Variants in SUGT1 observed in about 807,000 individuals in gnomAD.
SUGT1 encodes protein SGT1 homolog.
Under a neutral mutation model 56.1 loss-of-function variants are expected in SUGT1, and 15 were observed. The ratio of observed to expected loss-of-function variants is 0.27; its 90% CI spans 0.18 to 0.41. SUGT1 has a LOEUF of 0.41. Ranked by LOEUF, SUGT1 falls within the 10% of genes least tolerant of loss-of-function variation. The pLI is 1.00. For synonymous variants in SUGT1, 123 were observed against 128.6 expected (o/e 0.96, Z 0.30); for missense variants, 347 against 382.2 (o/e 0.91, Z 0.77).
chr13:52,688,048 CAT>C lies in SUGT1; in HGVS notation c.*214_*215del, dbSNP rs1297549594. ...CACTTCTGTCCTTAAAGGTTTCAGA[CAT>C]GGTGAAACTGAATAAAGCATGTCAT... On this transcript the variant is annotated 3_prime_UTR_variant, in exon 13 of 13. Transcript: ENST00000310528. The C allele has an allele frequency of 9.2e-6, 3 of 326,874 alleles. No individual in the cohort carries two copies. In the Admixed American group the frequency reaches 1.5e-4, roughly 17 times the overall value. The allele number at this position is 326,874 out of a possible 1,614,324, so 20.2% of individuals were successfully genotyped here.
rs1227094476 is a variant in SUGT1 at position 52,692,862 on chromosome 13, C to G, written c.*5027C>G. ...ATTTTTGAGAGGGTGCTGTTTTTCT[C>G]AAATCTAGATCATTACAGAGAAACA... On this transcript the variant is annotated 3_prime_UTR_variant, in exon 13 of 13. Transcript: ENST00000310528. 6.6e-6 allele frequency: 1 copy of G among 152,144 alleles called. No homozygotes were observed. The highest frequency in any genetic ancestry group is 1.5e-5 in the Non-Finnish European group (1 of 68,034). The allele number at this position is 152,144 out of a possible 1,614,324, so 9.4% of individuals were successfully genotyped here. A position where few individuals can be genotyped will look rare whatever the true frequency, so the allele number is the denominator to read the frequency against.
chr13:52,663,728 C>T lies in SUGT1; in HGVS notation c.400-307C>T, dbSNP rs1962561566. 2.6e-5 allele frequency among the ~76,000 whole-genome samples: 4 copies of T among 152,120 alleles called. No homozygotes were observed. The South Asian group carries it at 8.3e-4, about 32-fold the overall frequency. On this transcript the variant is annotated intron_variant, in intron 7 of 12. Coordinates refer to ENST00000310528, the MANE Select transcript of SUGT1 (RefSeq NM_006704.5). ...GAACTGGCCATTTTATATAAGCAAC[C>T]TTTTCTAATCATGCCTTTAGAAGTT... is the stretch of plus-strand genomic sequence containing the variant.
intron 2 of SUGT1, among the ~76,000 whole-genome samples, chr13:52,656,687 C>T (rs1962181848): frequency 6.6e-6 from 1 of 152,162 alleles, no homozygotes; most frequent in Admixed American, 6.5e-5. Flanking sequence ...TGAGGAGCAT[C>T]TGTATATGTT....
In SUGT1 at chr13:52,688,754, A is replaced by AT. The variant is rs1329505047; in HGVS notation, c.*921dup. 2 of 152,326 alleles carry AT rather than the reference A, an allele frequency of 1.3e-5. No homozygotes were observed. Among genetic ancestry groups the AT allele is most frequent in the East Asian group, 3.9e-4 (2 of 5,188 alleles). 9.4% of individuals were successfully genotyped at this position (152,326 alleles called of 1,614,324 possible). A position where few individuals can be genotyped will look rare whatever the true frequency, so the allele number is the denominator to read the frequency against. On this transcript the variant is annotated 3_prime_UTR_variant, in exon 13 of 13. Transcript: ENST00000310528. Reference sequence around the variant, plus strand: ...TATAGATATCATGAGAATACAAAAAATTAAAGACATGATTATTAACTTCAA... The same window carrying AT: ...TATAGATATCATGAGAATACAAAAAATTTAAAGACATGATTATTAACTTCAA...
At chr13:52,686,276 A>G (rs1205304183) in intron 12 of SUGT1, among the ~76,000 whole-genome samples, 1 of 152,184 alleles carries the variant, frequency 6.6e-6, no homozygotes, top group African/African-American at 2.4e-5. Context: ...CAGTCATTTT[A>G]TTTAAAGCCC....
intron 2 of SUGT1, among the ~76,000 whole-genome samples, chr13:52,656,199 A>T (rs868276783): frequency 2.0e-5 from 3 of 152,370 alleles, no homozygotes; most frequent in Non-Finnish European, 1.5e-5. Flanking sequence ...AGTCTGCAAG[A>T]AGAAAAATCA....
chr13:52,658,275 A>G, intron 3 of SUGT1, 124 bp from the exon 4 acceptor site: 3 of 1,535,216 alleles, frequency 2.0e-6, no homozygotes, highest in South Asian at 1.2e-5. Flanking sequence ...AGCTTTTCCT[A>G]ATTTAAAACC....
At position 52,699,931 on chromosome 13, in the gene SUGT1, T is replaced by C. The variant is rs1353459014; in HGVS notation, c.*12096T>C. 5 of 152,206 alleles carry C rather than the reference T, an allele frequency of 3.3e-5. No homozygotes were observed. 9.4% of individuals were successfully genotyped at this position (152,206 alleles called of 1,614,324 possible). ...TATCTTGTTACTATTAGAATTTTTGTAGCCATGTGCAGAGGAGAGAAAAGG... is the reference window on the plus strand; with the variant it reads ...TATCTTGTTACTATTAGAATTTTTGCAGCCATGTGCAGAGGAGAGAAAAGG... On this transcript the variant is annotated 3_prime_UTR_variant, in exon 13 of 13. Coordinates refer to ENST00000310528, the MANE Select transcript of SUGT1 (RefSeq NM_006704.5).
chr13:52,676,118 A>G (rs1963132175), intron 10 of SUGT1, 112 bp from the exon 11 acceptor site: 1 of 692,818 alleles, frequency 1.4e-6, no homozygotes, highest in African/African-American at 1.8e-5. Context: ...ATTTAAGGAA[A>G]CTGTCAAAGA....
intron 12 of SUGT1, among the ~76,000 whole-genome samples, chr13:52,683,868 C>T (rs1420891901): frequency 2.6e-5 from 4 of 151,406 alleles, no homozygotes; most frequent in African/African-American, 7.3e-5. Context: ...TTGTATAGTC[C>T]CTTATTCTTT....
chr13:52,653,853 A>G (rs1962035547), intron 2 of SUGT1, among the ~76,000 whole-genome samples: 1 of 151,518 alleles, frequency 6.6e-6, no homozygotes, highest in Non-Finnish European at 1.5e-5. Flanking sequence ...AAAAGAGGAA[A>G]CCTGTTTTGC....
intron 12 of SUGT1, among the ~76,000 whole-genome samples, chr13:52,686,142 G>T (rs925258130): frequency 6.6e-6 from 1 of 151,958 alleles, no homozygotes; most frequent in Non-Finnish European, 1.5e-5. Context: ...TGGCCAGGCT[G>T]GTCTTGAACT....
At chr13:52,662,411 CTG>C (rs1389793004) in intron 5 of SUGT1, among the ~76,000 whole-genome samples, 1 of 152,156 alleles carries the variant, frequency 6.6e-6, no homozygotes, top group African/African-American at 2.4e-5. Flanking sequence ...TTAAGGTTGA[CTG>C]TAGTTAAAAT....
intron 2 of SUGT1, among the ~76,000 whole-genome samples, chr13:52,656,479 A>AT (rs1962173832): frequency 6.6e-6 from 1 of 152,228 alleles, no homozygotes. Flanking sequence ...CCAGAATGAC[A>AT]TTAAAAAAAA....
At chr13:52,682,075 A>G (rs1415763496) in intron 12 of SUGT1, among the ~76,000 whole-genome samples, 2 of 152,046 alleles carry the variant, frequency 1.3e-5, no homozygotes, top group Non-Finnish European at 2.9e-5. Flanking sequence ...GATTAAGTCT[A>G]ATTTACCGCT....
chr13:52,676,754 A>G (rs1388558391), intron 11 of SUGT1, among the ~76,000 whole-genome samples: 3 of 152,144 alleles, frequency 2.0e-5, no homozygotes, highest in Non-Finnish European at 4.4e-5. Flanking sequence ...GCAGGGCTTT[A>G]CAGGGTAAGG....
chr13:52,665,555 G>A (rs1490588176), intron 8 of SUGT1, 82 bp from the exon 9 acceptor site: 3 of 989,786 alleles, frequency 3.0e-6, no homozygotes, highest in Non-Finnish European at 4.4e-6. Context: ...GGCTCTTGTT[G>A]TTTATCAGAC....
chr13:52,661,757 A>T (rs778534435), intron 5 of SUGT1, among the ~76,000 whole-genome samples: 2 of 152,216 alleles, frequency 1.3e-5, no homozygotes, highest in Non-Finnish European at 2.9e-5. Flanking sequence ...ATAGATTTTG[A>T]TACAATAGTT....
chr13:52,679,879 C>CT, intron 11 of SUGT1, 95 bp from the exon 12 acceptor site: 11 of 1,232,158 alleles, frequency 8.9e-6, no homozygotes, highest in Non-Finnish European at 1.2e-5. Flanking sequence ...AAACTGTTTG[C>CT]TAAGATGTTC....
Sources: allele counts gnomAD v4.1 joint callset (sites outside exome capture counted in the v4.1 genomes callset), GRCh38; gene constraint gnomAD v4.1.1; transcripts MANE v1.5; gene names NCBI Gene and HGNC (gene_info 2026-07-23, HGNC 2026-07-21).